The following STX4 variants were observed in gnomAD, a reference collection of about 807,000 sequenced individuals.
STX4 encodes the protein syntaxin-4.
STX4 carries 24 observed loss-of-function variants against 41.8 expected under a neutral mutation model. The ratio of observed to expected loss-of-function variants is 0.57; its 90% CI spans 0.42 to 0.81. The LOEUF (loss-of-function observed/expected upper bound fraction) is 0.81, where lower values mean the gene tolerates loss of function less well. Ranked by LOEUF, STX4 falls within the 30% of genes least tolerant of loss-of-function variation. The pLI is 0.00. For missense variants in STX4, 316 were observed against 389.9 expected (o/e 0.81, Z 1.60); for synonymous variants, 158 against 156.4 (o/e 1.01, Z -0.08).
At chr16:31,038,327 G>A in intron 7 of STX4, 137 bp downstream of exon 7, 3 of 1,331,086 alleles carry the variant, frequency 2.3e-6, no homozygotes, top group Non-Finnish European at 2.1e-6. Context: ...GCAAGCCACT[G>A]CACCCCGCTT....
In STX4 at chr16:31,039,808, G is replaced by A. The variant is rs34576482; in HGVS notation, c.*5G>A. 6.2e-6 allele frequency: 10 copies of A among 1,614,090 alleles called. No individual in the cohort carries two copies. Among genetic ancestry groups the A allele is most frequent in the African/African-American group, 1.3e-5 (1 of 75,040 alleles). The stretch of plus-strand genomic sequence containing the variant: ...GGCGTCACAGTGGTTGGATAATGTC[G>A]CACATTGTTGGTGAGATGTTGTGGG... On this transcript the variant is annotated 3_prime_UTR_variant, in exon 10 of 11. Coordinates refer to ENST00000313843, the MANE Select transcript of STX4 (RefSeq NM_004604.5). The surrounding 1 kb of genome is among the most constrained non-coding windows in gnomAD (Gnocchi z 4.1).
Position 31,033,778 on chromosome 16 carries a change from G to A in STX4, c.-28G>A. On this transcript the variant is annotated 5_prime_UTR_variant, in exon 1 of 11. Transcript: ENST00000313843. This position sits in a 1 kb window ranked among gnomAD's most constrained non-coding sequence, Gnocchi z 5.5. ...CAAATTTGAGGGCCTCCCGGCTCTG[G>A]CGCCGGGGAGGGAGAGCTCAGGCCG... 1 of 1,451,840 alleles carries A rather than the reference G, an allele frequency of 6.9e-7. No individual in the cohort carries two copies. Among genetic ancestry groups the A allele is most frequent in the Middle Eastern group, 1.8e-4 (1 of 5,494 alleles). 89.9% of individuals were successfully genotyped at this position (1,451,840 alleles called of 1,614,324 possible). A position where few individuals can be genotyped will look rare whatever the true frequency, so the allele number is the denominator to read the frequency against.
At chr16:31,036,402 T>C (rs1451302296) in intron 5 of STX4, among the ~76,000 whole-genome samples, 2 of 152,258 alleles carry the variant, frequency 1.3e-5, no homozygotes, top group African/African-American at 4.8e-5. Context: ...TGAGGGTCCA[T>C]GTGGGCCTGT....
chr16:31,033,810 G>T lies in STX4; in HGVS notation c.5G>T (p.Arg2Leu). Residue 2 changes from arginine (R) to leucine (L), a missense_variant, in exon 1 of 11, where the codon CGG (arginine) becomes CTG (leucine). Arg to Leu is a moderately radical substitution (Grantham distance 102). Coordinates refer to ENST00000313843, the MANE Select transcript of STX4 (RefSeq NM_004604.5). The surrounding 1 kb of genome is among the most constrained non-coding windows in gnomAD (Gnocchi z 5.5). The stretch of plus-strand genomic sequence containing the variant: ...GGAGGGAGAGCTCAGGCCGCCATGC[G>T]GGACAGGACCCACGAGCTGAGACAG... MRDRTHELRQGD... is the reference protein window; with the variant it reads MLDRTHELRQGD... The T allele has an allele frequency of 6.9e-7, 1 of 1,451,944 alleles. No homozygotes were observed. The highest frequency in any genetic ancestry group is 2.5e-5 in the East Asian group (1 of 39,848). 89.9% of individuals were successfully genotyped at this position (1,451,944 alleles called of 1,614,324 possible). A position where few individuals can be genotyped will look rare whatever the true frequency, so the allele number is the denominator to read the frequency against.
chr16:31,038,486 G>T, intron 7 of STX4, 24 bp from the exon 8 acceptor site: 2 of 1,613,370 alleles, frequency 1.2e-6, no homozygotes, highest in Non-Finnish European at 1.7e-6. Flanking sequence ...GTGAACAGTT[G>T]CCCCACTCCT....
At position 31,040,016 on chromosome 16, in the gene STX4, A is replaced by C. The variant is rs2056831985; in HGVS notation, c.*120A>C. On this transcript the variant is annotated 3_prime_UTR_variant, in exon 11 of 11. Coordinates refer to ENST00000313843, the MANE Select transcript of STX4 (RefSeq NM_004604.5). The stretch of plus-strand genomic sequence containing the variant: ...CCCTTCCTCACACTGGCCCCTATGC[A>C]GAAGGGCAGACAGTTCTTCTGGGGT... 1.8e-5 allele frequency: 11 copies of C among 602,362 alleles called. No individual in the cohort carries two copies. The Admixed American group carries it at 2.1e-4, about 11-fold the overall frequency. The allele number at this position is 602,362 out of a possible 1,614,324, so 37.3% of individuals were successfully genotyped here.
At chr16:31,037,695 A>AAATG in intron 5 of STX4, among the ~76,000 whole-genome samples, 1 of 150,964 alleles carries the variant, frequency 6.6e-6, no homozygotes, top group Non-Finnish European at 1.5e-5. Flanking sequence ...ATAAATAAAT[A>AAATG]AATAAATAAA....
chr16:31,034,915 T>G (rs1472282942), intron 4 of STX4, 55 bp from the exon 5 acceptor site: 1 of 1,395,826 alleles, frequency 7.2e-7, no homozygotes, highest in Non-Finnish European at 9.7e-7. Context: ...AAATTATATT[T>G]CCCTAAAAAT....
At chr16:31,037,880 G>T (rs759240056) in intron 5 of STX4, 46 bp from the exon 6 acceptor site, 2 of 1,607,338 alleles carry the variant, frequency 1.2e-6, no homozygotes, top group South Asian at 1.1e-5. Flanking sequence ...CACCGACCGG[G>T]CAGGGATCCT....
Position 31,033,691 on chromosome 16 carries a change from G to C in STX4, c.-115G>C. The C allele has an allele frequency of 6.9e-7, 1 of 1,447,272 alleles. No individual in the cohort carries two copies. Among genetic ancestry groups the C allele is most frequent in the South Asian group, 1.5e-5 (1 of 68,522 alleles). 89.7% of individuals were successfully genotyped at this position (1,447,272 alleles called of 1,614,324 possible). A position where few individuals can be genotyped will look rare whatever the true frequency, so the allele number is the denominator to read the frequency against. On this transcript the variant is annotated 5_prime_UTR_variant, in exon 1 of 11. Transcript: ENST00000313843. This position sits in a 1 kb window ranked among gnomAD's most constrained non-coding sequence, Gnocchi z 5.5. ...GACGGAGCCTCTGGCGGCTCGTGGG[G>C]GTGTTGGGGTCCGCAGGGGGAGGGA...
At chr16:31,033,547 G>T, upstream of STX4, 6 of 1,548,690 alleles carry the variant, frequency 3.9e-6, no homozygotes, top group Non-Finnish European at 5.2e-6. This position sits in a 1 kb window ranked among gnomAD's most constrained non-coding sequence, Gnocchi z 5.5. Flanking sequence ...AATTTATCAC[G>T]GAGGGGCGGG....
At chr16:31,038,992 G>A (rs1304573352) in intron 8 of STX4, 1 of 288,152 alleles carries the variant, frequency 3.5e-6, no homozygotes, top group Non-Finnish European at 6.7e-6. Flanking sequence ...CCTAACATCT[G>A]TACAAGGCTG....
At position 31,034,340 on chromosome 16, in the gene STX4, G is replaced by A. The variant is rs371592094; in HGVS notation, c.232+15G>A. 111 of 1,613,774 alleles carry A rather than the reference G, an allele frequency of 6.9e-5. No homozygotes were observed. In the East Asian group the frequency reaches 2.5e-3, roughly 36 times the overall value. The stretch of plus-strand genomic sequence containing the variant: ...TCCCGAGGAGAGTGAGTGAAACCCC[G>A]GCTGCAGGGCGCATGCTCCGCCCCA... On this transcript the variant is annotated intron_variant, in intron 3 of 10. Transcript: ENST00000313843.
At chr16:31,037,844 C>A in intron 5 of STX4, 82 bp from the exon 6 acceptor site, 1 of 1,393,492 alleles carries the variant, frequency 7.2e-7, no homozygotes, top group Non-Finnish European at 1.0e-6. Context: ...ATGCTATTTG[C>A]TCACTGTACT....
chr16:31,033,514 C>T (rs1436682388), upstream of STX4: 3 of 1,550,502 alleles, frequency 1.9e-6, no homozygotes, highest in Non-Finnish European at 2.6e-6. This position sits in a 1 kb window ranked among gnomAD's most constrained non-coding sequence, Gnocchi z 5.5. Context: ...AAGGAAGAGA[C>T]GCGACCATGT....
chr16:31,034,024 C>A lies in STX4; in HGVS notation c.42C>A (p.Ser14Arg). 1 of 1,600,524 alleles carries A rather than the reference C, an allele frequency of 6.2e-7. No homozygotes were observed. Among genetic ancestry groups the A allele is most frequent in the Non-Finnish European group, 8.5e-7 (1 of 1,171,650 alleles). ...TCCGGGCCTGGCAGGGGGATGACAG[C>A]TCGGACGAAGAGGACAAGGAGCGGG... ...RTHELRQGDD[S>R]SDEEDKERVA... Residue 14 changes from serine (S) to arginine (R), a missense_variant, in exon 2 of 11, where the codon AGC becomes AGA. Ser to Arg is a moderately radical substitution (Grantham distance 110, BLOSUM62 -1). Transcript: ENST00000313843.
In STX4 at chr16:31,034,082, C is replaced by T; in HGVS notation, c.100C>T (p.Leu34=). ...ALVVHPGTAR[L]GSPDEEFFHK... is the part of the protein sequence containing the mutation. ...GGTGGTGCACCCGGGCACGGCACGG[C>T]TGGGGAGCCCGGACGAGGAGTTCTT... The change falls in exon 2 of 11, where the codon CTG becomes TTG. Residue 34 remains leucine (L), a synonymous_variant. Coordinates refer to ENST00000313843, the MANE Select transcript of STX4 (RefSeq NM_004604.5). 6.2e-7 allele frequency: 1 copy of T among 1,610,048 alleles called. No homozygotes were observed. Among genetic ancestry groups the T allele is most frequent in the Non-Finnish European group, 8.5e-7 (1 of 1,177,450 alleles).
intron 2 of STX4, 24 bp downstream of exon 2, chr16:31,034,138 G>C: frequency 6.2e-7 from 1 of 1,608,234 alleles, no homozygotes; most frequent in Non-Finnish European, 8.5e-7. Context: ...GTCTCCGCCT[G>C]GATTCGCGAG....
At chr16:31,035,892 C>T (rs2143719224) in intron 5 of STX4, 1 of 152,266 alleles carries the variant, frequency 6.6e-6, no homozygotes, top group East Asian at 1.9e-4. Flanking sequence ...ATTCTCCTGC[C>T]TCAGCCTCAC....
Sources: allele counts gnomAD v4.1 joint callset (sites outside exome capture counted in the v4.1 genomes callset), GRCh38; gene constraint gnomAD v4.1.1; non-coding constraint Gnocchi (gnomAD v3.1); transcripts MANE v1.5; gene names NCBI Gene and HGNC (gene_info 2026-07-23, HGNC 2026-07-21).